Variants in IFIT1B observed in about 807,000 individuals in gnomAD.
The protein encoded by IFIT1B is interferon induced protein with tetratricopeptide repeats 1B, also known as protein IFIT1 homolog B.
A neutral mutation model predicts 2.5 loss-of-function variants in IFIT1B; 3 were observed. The ratio of observed to expected loss-of-function variants is 1.21; its 90% CI spans 0.55 to 3.14. The LOEUF is 3.14. Ranked by LOEUF, IFIT1B falls within the 30% of genes most tolerant of loss-of-function variation. IFIT1B has a pLI of 0.03. For synonymous variants in IFIT1B, 196 were observed against 203.0 expected, an observed-to-expected ratio of 0.97 and a Z score of 0.29; for missense variants, 545 against 556.5, an observed-to-expected ratio of 0.98 and a Z score of 0.21.
In IFIT1B at chr10:89,383,355, G is replaced by A. The variant is rs376672887; in HGVS notation, c.42G>A (p.Leu14=). ...ATGGAAAGCTTATTGAAGACAGCCT[G>A]ATTCAGCTGAGATGTCACTTTACAT... The part of the protein sequence containing the change: ...ESDGKLIEDS[L]IQLRCHFTWK... Residue 14 remains leucine, a synonymous_variant, in exon 2 of 2, where the codon CTG becomes CTA. Transcript: ENST00000371809. The A allele has an allele frequency of 4.3e-6, 7 of 1,613,974 alleles. No homozygotes were observed. The African/African-American group carries it at 9.3e-5, about 22-fold the overall frequency.
At position 89,384,466 on chromosome 10, in the gene IFIT1B, G is replaced by T; in HGVS notation, c.1153G>T (p.Gly385Cys). 6.2e-7 allele frequency: 1 copy of T among 1,614,096 alleles called. No homozygotes were observed. Among genetic ancestry groups the T allele is most frequent in the Non-Finnish European group, 8.5e-7 (1 of 1,180,020 alleles). Residue 385 changes from glycine (G) to cysteine (C), a missense_variant, in exon 2 of 2, where the codon GGC becomes TGC. By Grantham distance (159) the Gly-to-Cys change is radical (BLOSUM62 -3). Coordinates refer to ENST00000371809, the MANE Select transcript of IFIT1B (RefSeq NM_001010987.2). ...QLKQEIHYHY[G>C]RFQEHHGKSQ... Reference sequence around the variant, plus strand: ...AAAGCAAGAGATTCATTACCACTACGGCCGTTTCCAAGAACATCATGGGAA... The same window carrying T: ...AAAGCAAGAGATTCATTACCACTACTGCCGTTTCCAAGAACATCATGGGAA...
chr10:89,381,696 A>T (rs1306067093), intron 1 of IFIT1B, among the ~76,000 whole-genome samples: 1 of 152,200 alleles, frequency 6.6e-6, no homozygotes, highest in African/African-American at 2.4e-5. Context: ...AGCAGTCATA[A>T]GCCTGAGTAT....
Position 89,384,739 on chromosome 10 carries a change from C to T in IFIT1B, c.*1C>T, listed in dbSNP as rs150332253. The T allele has an allele frequency of 4.1e-4, 647 of 1,592,376 alleles. 3 individuals are homozygous for T. In the African/African-American group the frequency reaches 7.9e-3, roughly 20 times the overall value. ...TGCTGACCTGAACCCTATATTTTAA[C>T]ATAGAGGTCACCATTATCCATTTAA... On this transcript the variant is annotated 3_prime_UTR_variant, in exon 2 of 2. Transcript: ENST00000371809.
In IFIT1B at chr10:89,384,243, T is replaced by C; in HGVS notation, c.930T>C (p.Pro310=). The change falls in exon 2 of 2, where the codon CCT becomes CCC. Residue 310 remains proline, a synonymous_variant. Transcript: ENST00000371809. ...TCAAGGAAGCTACAAACTGGCAGCCTAGAGGGCAAGATAGGGAAACTGTGG... is the reference window on the plus strand; with the variant it reads ...TCAAGGAAGCTACAAACTGGCAGCCCAGAGGGCAAGATAGGGAAACTGTGG... ...IQIKEATNWQ[P]RGQDRETVDR... The C allele has an allele frequency of 6.2e-7, 1 of 1,614,158 alleles. No individual in the cohort carries two copies. Among genetic ancestry groups the C allele is most frequent in the Non-Finnish European group, 8.5e-7 (1 of 1,180,028 alleles).
At chr10:89,378,690 C>T (rs1422490771) in intron 1 of IFIT1B, among the ~76,000 whole-genome samples, 2 of 152,164 alleles carry the variant, frequency 1.3e-5, no homozygotes, top group Middle Eastern at 3.2e-3. Flanking sequence ...GAGTCAGCTT[C>T]CAAGCACAGA....
Position 89,384,999 on chromosome 10 carries a change from T to C in IFIT1B, c.*261T>C, listed in dbSNP as rs529938621. On this transcript the variant is annotated 3_prime_UTR_variant, in exon 2 of 2. Coordinates refer to ENST00000371809, the MANE Select transcript of IFIT1B (RefSeq NM_001010987.2). The stretch of plus-strand genomic sequence containing the variant: ...TGATGGAATGGTAAAGCAATCTTTC[T>C]TGGAACATAGCAAGTAGTAACCGAT... The C allele has an allele frequency of 2.3e-6, 1 of 427,226 alleles. No homozygotes were observed. Among genetic ancestry groups the C allele is most frequent in the South Asian group, 3.8e-5 (1 of 26,334 alleles). 26.5% of individuals were successfully genotyped at this position (427,226 alleles called of 1,614,324 possible). A position where few individuals can be genotyped will look rare whatever the true frequency, so the allele number is the denominator to read the frequency against.
chr10:89,383,594 G>A lies in IFIT1B; in HGVS notation c.281G>A (p.Ser94Asn). 1 of 1,614,182 alleles carries A rather than the reference G, an allele frequency of 6.2e-7. No homozygotes were observed. Among genetic ancestry groups the A allele is most frequent in the African/African-American group, 1.3e-5 (1 of 75,038 alleles). ...KEHANQADIR[S>N]LVTWGNFAWV... ...CATGCCAACCAAGCAGATATTAGAA[G>A]TCTGGTGACCTGGGGCAACTTTGCC... The change falls in exon 2 of 2, where the codon AGT becomes AAT. Residue 94 changes from serine (S) to asparagine (N), a missense_variant. Coordinates refer to ENST00000371809, the MANE Select transcript of IFIT1B (RefSeq NM_001010987.2).
In IFIT1B at chr10:89,383,663, A is replaced by G. The variant is rs1294034647; in HGVS notation, c.350A>G (p.Tyr117Cys). 6.2e-7 allele frequency: 1 copy of G among 1,614,266 alleles called. No individual in the cohort carries two copies. The highest frequency in any genetic ancestry group is 1.7e-5 in the Admixed American group (1 of 60,034). Residue 117 changes from tyrosine (Y) to cysteine (C), a missense_variant, in exon 2 of 2, where the codon TAC becomes TGC. Coordinates refer to ENST00000371809, the MANE Select transcript of IFIT1B (RefSeq NM_001010987.2). ...GGCAGATTGGCAGAAGCCCAGACTT[A>G]CCTGGACAAGGTGGAGAACACTTGC... ...HMGRLAEAQT[Y>C]LDKVENTCKK... is the part of the protein sequence containing the mutation.
In IFIT1B at chr10:89,384,752, A is replaced by T; in HGVS notation, c.*14A>T. 6.4e-7 allele frequency: 1 copy of T among 1,560,478 alleles called. No individual in the cohort carries two copies. Among genetic ancestry groups the T allele is most frequent in the Non-Finnish European group, 8.7e-7 (1 of 1,147,932 alleles). ...CCTATATTTTAACATAGAGGTCACCATTATCCATTTAATGGTCTTATAACT... is the reference window on the plus strand; with the variant it reads ...CCTATATTTTAACATAGAGGTCACCTTTATCCATTTAATGGTCTTATAACT... On this transcript the variant is annotated 3_prime_UTR_variant, in exon 2 of 2. Transcript: ENST00000371809.
chr10:89,378,087 C>T lies in IFIT1B; in HGVS notation c.-49C>T, dbSNP rs200418347. ...CTGTGGATGAACCTTGAAGGAGCCT[C>T]CAAGCCTGAACCAAAGCACTACAGA... On this transcript the variant is annotated 5_prime_UTR_variant, in exon 1 of 2. Coordinates refer to ENST00000371809, the MANE Select transcript of IFIT1B (RefSeq NM_001010987.2). The T allele has an allele frequency of 1.4e-3, 2,266 of 1,609,424 alleles. 50 individuals are homozygous for T. In the South Asian group the frequency reaches 0.022, roughly 16 times the overall value.
Position 89,383,526 on chromosome 10 carries a change from C to CCTGG in IFIT1B, c.214_217dup (p.Val73AlafsTer8). 6.2e-7 allele frequency: 1 copy of CCTGG among 1,614,112 alleles called. No homozygotes were observed. The highest frequency in any genetic ancestry group is 8.5e-7 in the Non-Finnish European group (1 of 1,180,030). On this transcript the variant is annotated frameshift_variant, in exon 2 of 2. Coordinates refer to ENST00000371809, the MANE Select transcript of IFIT1B (RefSeq NM_001010987.2). LOFTEE classifies it low-confidence loss of function (END_TRUNC). The stretch of plus-strand genomic sequence containing the variant: ...ACCTGAAAGGCCAGAATGAGGAAGC[C>CCTGG]CTGGTCAGCTTGAAAAAGGCTGAAG...
intron 1 of IFIT1B, among the ~76,000 whole-genome samples, chr10:89,379,395 A>T (rs1195814476): frequency 1.3e-5 from 2 of 152,166 alleles, no homozygotes; most frequent in Non-Finnish European, 2.9e-5. Flanking sequence ...CTAAAATTTG[A>T]AAAACCATTA....
At chr10:89,378,436 A>G (rs1193032375) in intron 1 of IFIT1B, among the ~76,000 whole-genome samples, 3 of 152,182 alleles carry the variant, frequency 2.0e-5, no homozygotes, top group Non-Finnish European at 4.4e-5. Flanking sequence ...CTGGGCCTAC[A>G]GGAGCAAGAG....
Position 89,378,125 on chromosome 10 carries a change from T to G in IFIT1B, c.-11T>G. 1 of 1,613,664 alleles carries G rather than the reference T, an allele frequency of 6.2e-7. No homozygotes were observed. Among genetic ancestry groups the G allele is most frequent in the Non-Finnish European group, 8.5e-7 (1 of 1,179,548 alleles). The stretch of plus-strand genomic sequence containing the variant: ...AAAGCACTACAGATCACCTGCTATC[T>G]TCATAGCACCATGAGGTAAAGTCTT... On this transcript the variant is annotated 5_prime_UTR_variant, in exon 1 of 2. Coordinates refer to ENST00000371809, the MANE Select transcript of IFIT1B (RefSeq NM_001010987.2).
chr10:89,384,484 C>T lies in IFIT1B; in HGVS notation c.1171C>T (p.His391Tyr), dbSNP rs114258959. 1.5e-4 allele frequency: 241 copies of T among 1,614,108 alleles called. No homozygotes were observed. In the African/African-American group the frequency reaches 2.8e-3, roughly 19 times the overall value. Residue 391 changes from histidine to tyrosine, a missense_variant, in exon 2 of 2, where the codon CAT (histidine) becomes TAT (tyrosine). Physicochemically the swap from His to Tyr is moderately conservative, Grantham distance 83 (BLOSUM62 2). Coordinates refer to ENST00000371809, the MANE Select transcript of IFIT1B (RefSeq NM_001010987.2). ...HYHYGRFQEH[H>Y]GKSQDKAITH... ...CCACTACGGCCGTTTCCAAGAACATCATGGGAAATCTCAAGATAAAGCAAT... is the reference window on the plus strand; with the variant it reads ...CCACTACGGCCGTTTCCAAGAACATTATGGGAAATCTCAAGATAAAGCAAT...
At chr10:89,381,855 G>A (rs1426151870) in intron 1 of IFIT1B, among the ~76,000 whole-genome samples, 1 of 151,884 alleles carries the variant, frequency 6.6e-6, no homozygotes, top group Non-Finnish European at 1.5e-5. Context: ...GCATGATCTC[G>A]GTTCATGGCA....
chr10:89,384,614 T>C lies in IFIT1B; in HGVS notation c.1301T>C (p.Val434Ala), dbSNP rs1269795264. 4 of 1,614,066 alleles carry C rather than the reference T, an allele frequency of 2.5e-6. No homozygotes were observed. The highest frequency in any genetic ancestry group is 3.4e-6 in the Non-Finnish European group (4 of 1,180,014). The change falls in exon 2 of 2, where the codon GTA (valine) becomes GCA (alanine). Residue 434 changes from valine (V) to alanine (A), a missense_variant. Transcript: ENST00000371809. ...GCTAAAAGATGTATTCACCAGAATG[T>C]ACGGGTTGTGGAAAGTGTCAGCCTC... ...KLAKRCIHQN[V>A]RVVESVSLLG...
chr10:89,384,511 A>G lies in IFIT1B; in HGVS notation c.1198A>G (p.Thr400Ala). The G allele has an allele frequency of 6.2e-7, 1 of 1,613,900 alleles. No individual in the cohort carries two copies. The highest frequency in any genetic ancestry group is 8.5e-7 in the Non-Finnish European group (1 of 1,179,752). The stretch of plus-strand genomic sequence containing the variant: ...TGGGAAATCTCAAGATAAAGCAATT[A>G]CCCATTATTTAAAAGGTTTGAAAAT... ...HHGKSQDKAITHYLKGLKIEK... is the reference protein window; with the variant it reads ...HHGKSQDKAIAHYLKGLKIEK... Residue 400 changes from threonine (T) to alanine (A), a missense_variant, in exon 2 of 2, where the codon ACC becomes GCC. Thr to Ala is a moderately conservative substitution (Grantham distance 58). Transcript: ENST00000371809.
chr10:89,384,410 G>T lies in IFIT1B; in HGVS notation c.1097G>T (p.Gly366Val). 1 of 1,614,110 alleles carries T rather than the reference G, an allele frequency of 6.2e-7. No homozygotes were observed. Residue 366 changes from glycine (G) to valine (V), a missense_variant, in exon 2 of 2, where the codon GGG becomes GTG. Physicochemically the swap from Gly to Val is moderately radical, Grantham distance 109 (BLOSUM62 -3). Coordinates refer to ENST00000371809, the MANE Select transcript of IFIT1B (RefSeq NM_001010987.2). Reference sequence around the variant, plus strand: ...AAGGCTGAGGAACATTTTCAGAAAGGGTTACGCATGAAGATCTTTGAAGAT... The same window carrying T: ...AAGGCTGAGGAACATTTTCAGAAAGTGTTACGCATGAAGATCTTTGAAGAT... ...HRKAEEHFQK[G>V]LRMKIFEDQL...
Sources: allele counts gnomAD v4.1 joint callset (sites outside exome capture counted in the v4.1 genomes callset), GRCh38; gene constraint gnomAD v4.1.1; transcripts MANE v1.5; gene names NCBI Gene and HGNC (gene_info 2026-07-23, HGNC 2026-07-21).